The following SPTBN5 variants were observed in gnomAD, a reference collection of about 807,000 sequenced individuals.
SPTBN5 encodes the protein spectrin beta chain, non-erythrocytic 5.
Under a neutral mutation model 477.6 loss-of-function variants are expected in SPTBN5, and 513 were observed. The ratio of observed to expected loss-of-function variants is 1.07; its 90% CI spans 1.00 to 1.16. The LOEUF (loss-of-function observed/expected upper bound fraction) is 1.16. Ranked by LOEUF, SPTBN5 falls within the 50% of genes most tolerant of loss-of-function variation. The pLI, the probability that SPTBN5 is intolerant of heterozygous loss-of-function variation, is 0.00. For missense variants in SPTBN5, 5,062 were observed against 4,731.8 expected (o/e 1.07, Z -2.05); for synonymous variants, 2,169 against 2,011.7 (o/e 1.08, Z -2.09).
At chr15:41,878,663 C>A in intron 16 of SPTBN5, 34 bp from the exon 17 acceptor site, 3 of 1,584,328 alleles carry the variant, frequency 1.9e-6, no homozygotes, top group Middle Eastern at 3.5e-4. Flanking sequence ...AGTCAGTGCC[C>A]TGTCCTGGGC....
In SPTBN5 at chr15:41,881,041, A is replaced by G; in HGVS notation, c.2651T>C (p.Leu884Pro). 1 of 1,579,334 alleles carries G rather than the reference A, an allele frequency of 6.3e-7. No homozygotes were observed. Among genetic ancestry groups the G allele is most frequent in the African/African-American group, 1.3e-5 (1 of 74,394 alleles). Residue 884 changes from leucine (L) to proline (P), a missense_variant, in exon 13 of 68, where the codon CTG (leucine) becomes CCG (proline). Physicochemically the swap from Leu to Pro is moderately conservative, Grantham distance 98. Transcript: ENST00000320955. ...LSQDYESLRA[L>P]AQLRRARLEE... ...TTGAAAAAGAAGTGTTACCTGTGCCAGGGCCCGCAGACTCTCATAGTCCTG... is the reference window on the plus strand; with the variant it reads ...TTGAAAAAGAAGTGTTACCTGTGCCGGGGCCCGCAGACTCTCATAGTCCTG...
intron 21 of SPTBN5, among the ~76,000 whole-genome samples, chr15:41,875,829 C>T (rs920246887): frequency 1.3e-5 from 2 of 152,134 alleles, no homozygotes; most frequent in African/African-American, 4.8e-5. Flanking sequence ...CGGGGTGAGC[C>T]GGCATTAGGT....
At chr15:41,875,224 C>T (rs983309681) in intron 22 of SPTBN5, among the ~76,000 whole-genome samples, 168 bp from the exon 23 acceptor site, 5 of 152,254 alleles carry the variant, frequency 3.3e-5, no homozygotes, top group Admixed American at 6.5e-5. Context: ...TGTTCCCTCA[C>T]GCTTCTTCTT....
intron 16 of SPTBN5, among the ~76,000 whole-genome samples, chr15:41,879,043 C>T (rs562078070): frequency 6.6e-6 from 1 of 152,060 alleles, no homozygotes; most frequent in Non-Finnish European, 1.5e-5. Flanking sequence ...TCAGCCCGGG[C>T]GACAGAGCAA....
intron 32 of SPTBN5, 102 bp downstream of exon 32, chr15:41,869,739 T>G: frequency 8.0e-7 from 1 of 1,243,688 alleles, no homozygotes; most frequent in Non-Finnish European, 1.0e-6. Context: ...AGTCCATGCT[T>G]GTTCTCCCTC....
chr15:41,851,886 C>G (rs1330955955), intron 62 of SPTBN5, 36 bp from the exon 63 acceptor site: 38 of 1,560,156 alleles, frequency 2.4e-5, no homozygotes, highest in Non-Finnish European at 3.3e-5. Flanking sequence ...AATGTCAGGA[C>G]CAGCACCCTC....
intron 56 of SPTBN5, 28 bp downstream of exon 56, chr15:41,854,754 T>TA (rs1379100200): frequency 6.8e-7 from 1 of 1,474,686 alleles, no homozygotes; most frequent in South Asian, 1.5e-5. Context: ...TGACACCCCT[T>TA]AGCTTGGCCC....
At position 41,882,032 on chromosome 15, in the gene SPTBN5, G is replaced by T. The variant is rs1427937817; in HGVS notation, c.2361C>A (p.His787Gln). The change falls in exon 12 of 68, where the codon CAC becomes CAA. Residue 787 changes from histidine (H) to glutamine (Q), a missense_variant. Transcript: ENST00000320955. The stretch of plus-strand genomic sequence containing the variant: ...CGCGCAGGACGCGCTCCAGCCGCAC[G>T]TGGCGCCTCAGCAGGGTCTCGGCGG... ...QAAAETLLRRHVRLERVLRAF... is the reference protein window; with the variant it reads ...QAAAETLLRRQVRLERVLRAF... 5 of 1,548,362 alleles carry T rather than the reference G, an allele frequency of 3.2e-6. No homozygotes were observed. Among genetic ancestry groups the T allele is most frequent in the South Asian group, 1.2e-5 (1 of 84,892 alleles).
chr15:41,851,996 G>C (rs555567282), intron 62 of SPTBN5, 146 bp from the exon 63 acceptor site: 2 of 911,660 alleles, frequency 2.2e-6, no homozygotes, highest in Non-Finnish European at 3.3e-6. Context: ...GATCAGATGA[G>C]ATCGGGCATG....
chr15:41,863,394 G>A (rs1428904927), intron 41 of SPTBN5, among the ~76,000 whole-genome samples: 1 of 152,204 alleles, frequency 6.6e-6, no homozygotes, highest in Non-Finnish European at 1.5e-5. Flanking sequence ...CTTCCTCAGG[G>A]ATGGGAGGAA....
chr15:41,851,174 G>A lies in SPTBN5; in HGVS notation c.10744-24C>T, dbSNP rs546099893. On this transcript the variant is annotated intron_variant, in intron 64 of 67. Coordinates refer to ENST00000320955, the MANE Select transcript of SPTBN5 (RefSeq NM_016642.4). ...TTCTGAGGAGAGATGAGAGGCAGGG[G>A]TCACTGCGGCCATCTCAGCTTTTCC... 10 of 1,606,844 alleles carry A rather than the reference G, an allele frequency of 6.2e-6. No homozygotes were observed. In the Admixed American group the frequency reaches 1.7e-4, roughly 27 times the overall value.
intron 47 of SPTBN5, 121 bp from the exon 48 acceptor site, chr15:41,859,101 G>T: frequency 1.4e-6 from 1 of 698,968 alleles, no homozygotes; most frequent in Non-Finnish European, 2.2e-6. Context: ...TTGGAATAAA[G>T]GTACATTGCA....
rs189929409 is a variant in SPTBN5 at position 41,887,324 on chromosome 15, G to A, written c.777C>T (p.Asp259=). The change falls in exon 6 of 68, where the codon GAC becomes GAT. Residue 259 remains aspartate, a synonymous_variant. Transcript: ENST00000320955. ...LGIAQLLDPE[D]VAAAQPDERS... Reference sequence around the variant, plus strand: ...GCTCATCTGGCTGTGCGGCTGCCACGTCCTCGGGGTCCAGCAGCTGAGCAA... The same window carrying A: ...GCTCATCTGGCTGTGCGGCTGCCACATCCTCGGGGTCCAGCAGCTGAGCAA... 13 of 1,551,540 alleles carry A rather than the reference G, an allele frequency of 8.4e-6. No homozygotes were observed. The highest frequency in any genetic ancestry group is 4.1e-5 in the African/African-American group (3 of 73,174).
intron 6 of SPTBN5, among the ~76,000 whole-genome samples, chr15:41,886,695 C>T (rs1270549129): frequency 6.6e-6 from 1 of 152,174 alleles, no homozygotes; most frequent in Non-Finnish European, 1.5e-5. Flanking sequence ...GAGCCTCCTA[C>T]CCCATAAAGC....
At chr15:41,879,571 C>T in intron 15 of SPTBN5, 72 bp from the exon 16 acceptor site, 1 of 1,518,758 alleles carries the variant, frequency 6.6e-7, no homozygotes, top group Non-Finnish European at 8.8e-7. Flanking sequence ...TTGGCCAGAG[C>T]CTCACGTGAC....
chr15:41,850,840 C>T lies in SPTBN5; in HGVS notation c.10921+14G>A, dbSNP rs773810953. On this transcript the variant is annotated intron_variant, in intron 66 of 67. Transcript: ENST00000320955. ...AGTCGGCCGCCCTCCCCGCATCCTTCCCCTGAAGCCCACCTGCAGTGCTGC... is the reference window on the plus strand; with the variant it reads ...AGTCGGCCGCCCTCCCCGCATCCTTTCCCTGAAGCCCACCTGCAGTGCTGC... 34 of 1,583,386 alleles carry T rather than the reference C, an allele frequency of 2.1e-5. No individual in the cohort carries two copies. The highest frequency in any genetic ancestry group is 2.6e-5 in the Non-Finnish European group (30 of 1,165,860).
chr15:41,858,629 G>T lies in SPTBN5; in HGVS notation c.8199C>A (p.Ser2733Arg). 1 of 1,611,434 alleles carries T rather than the reference G, an allele frequency of 6.2e-7. No individual in the cohort carries two copies. The highest frequency in any genetic ancestry group is 8.5e-7 in the Non-Finnish European group (1 of 1,179,472). The change falls in exon 49 of 68, where the codon AGC becomes AGA. Residue 2733 changes from serine to arginine, a missense_variant. Transcript: ENST00000320955. Reference sequence around the variant, plus strand: ...GCTGCAGCTCCTGCTGTTGGTGCATGCTCGCGTCCAGCTCCGCCTGGAAAT... The same window carrying T: ...GCTGCAGCTCCTGCTGTTGGTGCATTCTCGCGTCCAGCTCCGCCTGGAAAT... ...QQNFQAELDASMHQQQELQRE... is the reference protein window; with the variant it reads ...QQNFQAELDARMHQQQELQRE...
intron 46 of SPTBN5, among the ~76,000 whole-genome samples, chr15:41,861,148 AG>A (rs2066092479): frequency 6.6e-6 from 1 of 152,190 alleles, no homozygotes; most frequent in Non-Finnish European, 1.5e-5. Flanking sequence ...GGAAGCGAGG[AG>A]GGCAGGGGTG....
rs72724187 is a variant in SPTBN5, at chr15:41,853,794, C to T, written c.9775-7G>A. 4 of 1,553,238 alleles carry T rather than the reference C, an allele frequency of 2.6e-6. No individual in the cohort carries two copies. The East Asian group carries it at 9.6e-5, about 37-fold the overall frequency. ...CCATAGCTTCCAGCTCTCTCTGCAA[C>T]CAGAGCATGAGATCAGGCCTCAGTC... On this transcript the variant is annotated splice_polypyrimidine_tract_variant and splice_region_variant and intron_variant, in intron 57 of 67. Transcript: ENST00000320955.
Sources: gnomAD v4.1 joint callset for allele counts (sites outside exome capture counted in the v4.1 genomes callset) on GRCh38, gnomAD v4.1.1 for gene constraint, MANE v1.5 for transcripts, NCBI Gene and HGNC (gene_info 2026-07-23, HGNC 2026-07-21) for gene names.